ABCB5: variants seen among roughly 807,000 people sequenced by gnomAD.
ABCB5 encodes ATP binding cassette subfamily B member 5.
ABCB5 carries 155 observed loss-of-function variants against 144.2 expected under a neutral mutation model. That is an observed-to-expected ratio of 1.08 (90% confidence interval 0.94 to 1.23). ABCB5 has a LOEUF of 1.23. ABCB5 is among the 50% of genes most tolerant of loss of function. The pLI is 0.00. For missense variants in ABCB5, 1,830 were observed against 1,520.8 expected (o/e 1.20, Z -3.38); for synonymous variants, 610 against 528.6 (o/e 1.15, Z -2.11).
chr7:20,630,724 A>C (rs1784018738), intron 4 of ABCB5, among the ~76,000 whole-genome samples: 1 of 152,170 alleles, frequency 6.6e-6, no homozygotes, highest in Non-Finnish European at 1.5e-5. Flanking sequence ...TAAATGGGCA[A>C]CCTGGCAACC....
At chr7:20,658,980 A>G (rs1784906196) in intron 14 of ABCB5, 8 of 1,462,850 alleles carry the variant, frequency 5.5e-6, no homozygotes, top group East Asian at 2.3e-5. Context: ...GCCCACCACT[A>G]TCATCACTAT....
intron 26 of ABCB5, among the ~76,000 whole-genome samples, chr7:20,747,325 C>T (rs953510705): frequency 6.6e-6 from 1 of 152,156 alleles, no homozygotes; most frequent in African/African-American, 2.4e-5. Context: ...GGCTGCAGTG[C>T]AGTGGTGTGT....
Position 20,705,498 on chromosome 7 carries a change from C to G in ABCB5, c.2421+691C>G, listed in dbSNP as rs374721600. On this transcript the variant is annotated intron_variant, in intron 20 of 27. Transcript: ENST00000404938. ...ATGGGATCTTAACTGAGAAAAGCAG[C>G]AGAAAACAAGGTTTCCTACTTTAAA... Among the ~76,000 whole-genome samples the G allele has an allele frequency of 1.1e-4, 17 of 152,208 alleles. No homozygotes were observed. The East Asian group carries it at 3.1e-3, about 28-fold the overall frequency.
chr7:20,618,533 G>C (rs1287131720), intron 1 of ABCB5, among the ~76,000 whole-genome samples: 2 of 151,996 alleles, frequency 1.3e-5, no homozygotes, highest in Non-Finnish European at 2.9e-5. Flanking sequence ...ATAGTACTCG[G>C]TAGGTAGTTT....
chr7:20,743,064 A>T lies in ABCB5; in HGVS notation c.3212A>T (p.Gln1071Leu), dbSNP rs777408654. ...CTGCAGAGACTTTATGACCCCGTGCAAGGACAAGTGGTAAGACAGAACTGA... is the reference window on the plus strand; with the variant it reads ...CTGCAGAGACTTTATGACCCCGTGCTAGGACAAGTGGTAAGACAGAACTGA... ...QLLQRLYDPV[Q>L]GQVLFDGVDA... is the part of the protein sequence containing the mutation. The change falls in exon 25 of 28, where the codon CAA becomes CTA. Residue 1071 changes from glutamine (Q) to leucine (L), a missense_variant. Gln to Leu is a moderately radical substitution (Grantham distance 113). Transcript: ENST00000404938. 56 of 1,613,862 alleles carry T rather than the reference A, an allele frequency of 3.5e-5. No homozygotes were observed. In the Admixed American group the frequency reaches 9.2e-4, roughly 26 times the overall value.
At chr7:20,689,154 A>G (rs1193315272) in intron 16 of ABCB5, among the ~76,000 whole-genome samples, 1 of 152,112 alleles carries the variant, frequency 6.6e-6, no homozygotes, top group Non-Finnish European at 1.5e-5. Context: ...GAAAGTTAAG[A>G]CACCTCTAAA....
Position 20,753,578 on chromosome 7 carries a change from G to A in ABCB5, c.3576+72G>A. The A allele has an allele frequency of 3.3e-6, 5 of 1,510,888 alleles. 1 individual carries two copies. The South Asian group carries it at 5.3e-5, about 16-fold the overall frequency. The allele number at this position is 1,510,888 out of a possible 1,614,324, so 93.6% of individuals were successfully genotyped here. A position where few individuals can be genotyped will look rare whatever the true frequency, so the allele number is the denominator to read the frequency against. On this transcript the variant is annotated intron_variant, in intron 27 of 27. Coordinates refer to ENST00000404938, the MANE Select transcript of ABCB5 (RefSeq NM_001163941.2). Reference sequence around the variant, plus strand: ...ATCCAATAACATGGAGGAAACCAAGGTAAGTTTGGAAAAACAAAGGCCTGG... The same window carrying A: ...ATCCAATAACATGGAGGAAACCAAGATAAGTTTGGAAAAACAAAGGCCTGG...
intron 26 of ABCB5, among the ~76,000 whole-genome samples, chr7:20,746,365 T>G (rs1049676521): frequency 2.0e-5 from 3 of 152,252 alleles, no homozygotes; most frequent in Admixed American, 2.0e-4. Context: ...CCCAAAGTGC[T>G]GGGATTACAG....
chr7:20,734,415 C>T (rs1230893837), intron 23 of ABCB5, among the ~76,000 whole-genome samples: 1 of 149,976 alleles, frequency 6.7e-6, no homozygotes, highest in East Asian at 1.9e-4. Flanking sequence ...TAGATCTCAT[C>T]CTGCAAAATC....
intron 16 of ABCB5, among the ~76,000 whole-genome samples, chr7:20,688,044 T>A (rs902699674): frequency 6.6e-6 from 1 of 151,792 alleles, no homozygotes; most frequent in Non-Finnish European, 1.5e-5. Context: ...ATATAAAAAA[T>A]TAGCTGGGCG....
intron 23 of ABCB5, among the ~76,000 whole-genome samples, chr7:20,731,945 A>G (rs1279047708): frequency 6.6e-6 from 1 of 152,170 alleles, no homozygotes; most frequent in Non-Finnish European, 1.5e-5. Context: ...CTGCAGCCAG[A>G]CTGATCATTT....
chr7:20,721,700 G>T (rs1781873594), intron 20 of ABCB5, among the ~76,000 whole-genome samples: 1 of 152,094 alleles, frequency 6.6e-6, no homozygotes, highest in African/African-American at 2.4e-5. Flanking sequence ...GATAATTTGT[G>T]TGAACGGTAA....
intron 26 of ABCB5, 94 bp downstream of exon 26, chr7:20,745,532 T>C (rs1455792534): frequency 1.8e-6 from 2 of 1,082,412 alleles, no homozygotes; most frequent in Non-Finnish European, 2.7e-6. Flanking sequence ...ATTCCTTGGA[T>C]TATACAATGT....
rs866781790 is a variant in ABCB5, at chr7:20,723,083, C to T, written c.2489C>T (p.Ser830Phe). The T allele has an allele frequency of 6.2e-7, 1 of 1,614,076 alleles. No individual in the cohort carries two copies. The highest frequency in any genetic ancestry group is 1.1e-5 in the South Asian group (1 of 91,080). Reference sequence around the variant, plus strand: ...AACATGGGACTTTCAGTTATCATTTCCTTTATATATGGATGGGAGATGACA... The same window carrying T: ...AACATGGGACTTTCAGTTATCATTTTCTTTATATATGGATGGGAGATGACA... ...ATNMGLSVII[S>F]FIYGWEMTFL... Residue 830 changes from serine (S) to phenylalanine (F), a missense_variant, in exon 21 of 28, where the codon TCC (serine) becomes TTC (phenylalanine). Ser to Phe is a radical substitution (Grantham distance 155). Coordinates refer to ENST00000404938, the MANE Select transcript of ABCB5 (RefSeq NM_001163941.2).
At chr7:20,740,882 G>A (rs369974235) in intron 24 of ABCB5, among the ~76,000 whole-genome samples, 115 of 152,140 alleles carry the variant, frequency 7.6e-4, no homozygotes, top group Middle Eastern at 3.4e-3. Flanking sequence ...TGAGACGGGC[G>A]GATCACCTAA....
At position 20,646,152 on chromosome 7, in the gene ABCB5, G is replaced by C. The variant is rs1346114984; in HGVS notation, c.981+14G>C. 6.2e-7 allele frequency: 1 copy of C among 1,605,762 alleles called. No homozygotes were observed. Among genetic ancestry groups the C allele is most frequent in the Admixed American group, 1.7e-5 (1 of 58,148 alleles). The stretch of plus-strand genomic sequence containing the variant: ...ACTGTTCTTGCTGTAAGTCTTGTTT[G>C]AGAACAAGGTGTCAGGCCTGGATAA... On this transcript the variant is annotated intron_variant, in intron 9 of 27. Transcript: ENST00000404938.
chr7:20,638,561 C>A (rs1428654845), intron 5 of ABCB5, among the ~76,000 whole-genome samples: 1 of 152,146 alleles, frequency 6.6e-6, no homozygotes, highest in Non-Finnish European at 1.5e-5. Flanking sequence ...CTTTTCATCT[C>A]AAAAGATTTG....
intron 14 of ABCB5, among the ~76,000 whole-genome samples, chr7:20,662,810 T>A (rs548366864): frequency 5.9e-5 from 9 of 151,694 alleles, no homozygotes; most frequent in African/African-American, 2.2e-4. Context: ...CCTTTGAGAA[T>A]CTGATTGAGA....
chr7:20,663,610 A>C (rs1380004255), intron 14 of ABCB5, among the ~76,000 whole-genome samples: 1 of 152,024 alleles, frequency 6.6e-6, no homozygotes, highest in East Asian at 1.9e-4. Flanking sequence ...GTTAGTGTTT[A>C]ATGGGTATAC....
Sources: allele counts gnomAD v4.1 joint callset (sites outside exome capture counted in the v4.1 genomes callset), GRCh38; gene constraint gnomAD v4.1.1; transcripts MANE v1.5; gene names NCBI Gene and HGNC (gene_info 2026-07-23, HGNC 2026-07-21).